LARP1: variants seen among roughly 807,000 people sequenced by gnomAD.
LARP1 encodes la-related protein 1.
In LARP1, 36 loss-of-function variants were observed where a neutral mutation model predicts 122.7. That is an observed-to-expected ratio of 0.29 (90% CI 0.22 to 0.39). LARP1 has a LOEUF of 0.39. LARP1 is among the 10% of genes least tolerant of loss of function. LARP1 has a pLI of 1.00. For missense variants in LARP1, 1,040 were observed against 1,403.6 expected (o/e 0.74, Z 4.14); for synonymous variants, 539 against 528.7 (o/e 1.02, Z -0.27).
chr5:154,757,442 A>G (rs553837556), intron 1 of LARP1, among the ~76,000 whole-genome samples: 33 of 151,702 alleles, frequency 2.2e-4, no homozygotes, highest in African/African-American at 7.7e-4. Context: ...CGGCCGGCGT[A>G]TAGGGCGGGT....
At chr5:154,749,945 T>G (rs1753398490) in intron 1 of LARP1, among the ~76,000 whole-genome samples, 1 of 152,212 alleles carries the variant, frequency 6.6e-6, no homozygotes, top group Non-Finnish European at 1.5e-5. Flanking sequence ...AGAATAAAAT[T>G]TCATGTAAAC....
intron 1 of LARP1, among the ~76,000 whole-genome samples, chr5:154,715,566 G>A (rs1390293414): frequency 6.6e-6 from 1 of 152,126 alleles, no homozygotes; most frequent in African/African-American, 2.4e-5. Flanking sequence ...AACCAACACT[G>A]AAACGTTGCT....
chr5:154,793,974 G>A lies in LARP1; in HGVS notation c.1043G>A (p.Arg348Gln), dbSNP rs1337728379. The change falls in exon 6 of 19, where the codon CGG becomes CAG. Residue 348 changes from arginine (R) to glutamine (Q), a missense_variant. Physicochemically the swap from Arg to Gln is conservative, Grantham distance 43. Transcript: ENST00000518297. ...CGTGGACGGGGGCGTGGTCGCGGCCGGGGACGCGGCCGGGGTGGCACTCGA... is the reference window on the plus strand; with the variant it reads ...CGTGGACGGGGGCGTGGTCGCGGCCAGGGACGCGGCCGGGGTGGCACTCGA... ...RGRGRGRGRGRGRGRGGTRTH... is the reference protein window; with the variant it reads ...RGRGRGRGRGQGRGRGGTRTH... The A allele has an allele frequency of 6.8e-6, 11 of 1,610,928 alleles. No individual in the cohort carries two copies. Among genetic ancestry groups the A allele is most frequent in the African/African-American group, 1.3e-5 (1 of 74,810 alleles).
chr5:154,785,778 G>A (rs1425063668), intron 1 of LARP1, among the ~76,000 whole-genome samples: 1 of 152,094 alleles, frequency 6.6e-6, no homozygotes, highest in African/African-American at 2.4e-5. Context: ...CTTTACAGAG[G>A]AGCCGCCATC....
chr5:154,684,648 C>T (rs1373258829), intron 1 of LARP1, among the ~76,000 whole-genome samples: 2 of 152,138 alleles, frequency 1.3e-5, no homozygotes, highest in African/African-American at 4.8e-5. Flanking sequence ...GGTTTGAAGT[C>T]CCACAGTGGA....
At position 154,794,179 on chromosome 5, in the gene LARP1, C is replaced by T. The variant is rs1267538757; in HGVS notation, c.1149C>T (p.Ile383=). 6.2e-7 allele frequency: 1 copy of T among 1,614,180 alleles called. No homozygotes were observed. The highest frequency in any genetic ancestry group is 1.1e-5 in the South Asian group (1 of 91,086). ...GPRTPKYMNN[I]TYYFDNVSST... ...GTACGCCCAAGTACATGAACAACATCACCTACTACTTTGACAATGTCAGCA... is the reference window on the plus strand; with the variant it reads ...GTACGCCCAAGTACATGAACAACATTACCTACTACTTTGACAATGTCAGCA... The change falls in exon 7 of 19, where the codon ATC becomes ATT. Residue 383 remains isoleucine (I), a synonymous_variant. Transcript: ENST00000518297.
At chr5:154,786,346 G>A (rs1370000231) in intron 1 of LARP1, 7 of 400,036 alleles carry the variant, frequency 1.7e-5, no homozygotes, top group African/African-American at 1.0e-4. Context: ...CGGCTGGTAT[G>A]CTTCATTTTT....
In LARP1 at chr5:154,817,307, C is replaced by G. The variant is rs1759741005; in HGVS notation, c.*3211C>G. 6.6e-6 allele frequency: 1 copy of G among 152,552 alleles called. No individual in the cohort carries two copies. The highest frequency in any genetic ancestry group is 1.9e-4 in the East Asian group (1 of 5,190). 9.4% of individuals were successfully genotyped at this position (152,552 alleles called of 1,614,324 possible). On this transcript the variant is annotated 3_prime_UTR_variant, in exon 19 of 19. Transcript: ENST00000518297. ...GGCAGAGAAGATAAGAACTTGGAGC[C>G]CATTTCTCACTGGAGAGGAAAACTT...
upstream of LARP1, among the ~76,000 whole-genome samples, chr5:154,708,999 G>C (rs145047518): frequency 3.3e-5 from 5 of 152,300 alleles, no homozygotes; most frequent in African/African-American, 9.6e-5. Context: ...TGGTAGACTC[G>C]TCAACCTGGA....
At chr5:154,729,698 G>A (rs1045477396) in intron 1 of LARP1, 4 of 317,054 alleles carry the variant, frequency 1.3e-5, no homozygotes, top group African/African-American at 6.7e-5. Context: ...GGCATAATAG[G>A]TATTTAAAAA....
chr5:154,756,216 C>CT (rs1183884343), intron 1 of LARP1, 23 bp downstream of exon 1: 5 of 1,237,478 alleles, frequency 4.0e-6, no homozygotes, highest in Non-Finnish European at 5.2e-6. Flanking sequence ...CCTTGCCCTC[C>CT]TGGGTCCGGG....
At chr5:154,770,410 G>T (rs940427041) in intron 1 of LARP1, among the ~76,000 whole-genome samples, 4 of 152,048 alleles carry the variant, frequency 2.6e-5, no homozygotes, top group African/African-American at 9.7e-5. Flanking sequence ...CCTGGTTTTG[G>T]ATCTCTTGGC....
At chr5:154,773,250 A>G (rs1468089124) in intron 1 of LARP1, among the ~76,000 whole-genome samples, 1 of 152,086 alleles carries the variant, frequency 6.6e-6, no homozygotes, top group Non-Finnish European at 1.5e-5. Flanking sequence ...AACTATGGCT[A>G]GGGGGGCAGG....
chr5:154,790,818 C>A, intron 3 of LARP1, 108 bp downstream of exon 3: 1 of 1,043,806 alleles, frequency 9.6e-7, no homozygotes, highest in Non-Finnish European at 1.4e-6. Flanking sequence ...AGTTTTCATT[C>A]TTTCTTTTTT....
At chr5:154,712,353 G>T (rs1465756433), upstream of LARP1, among the ~76,000 whole-genome samples, 1 of 152,202 alleles carries the variant, frequency 6.6e-6, no homozygotes, top group Non-Finnish European at 1.5e-5. Flanking sequence ...TGGTCCAACA[G>T]AACCGTATGG....
chr5:154,688,193 G>A (rs1218288025), intron 1 of LARP1, among the ~76,000 whole-genome samples: 1 of 152,174 alleles, frequency 6.6e-6, no homozygotes, highest in Non-Finnish European at 1.5e-5. Flanking sequence ...CTGATGTTGG[G>A]TGTCCTGGGG....
intron 1 of LARP1, among the ~76,000 whole-genome samples, chr5:154,743,895 C>T (rs1360694603): frequency 6.6e-6 from 1 of 152,226 alleles, no homozygotes; most frequent in Non-Finnish European, 1.5e-5. Context: ...GCTGGGATTA[C>T]AAGCGTGGGC....
intron 1 of LARP1, among the ~76,000 whole-genome samples, chr5:154,740,941 CTTCCAGATTGAAAATGTT>C (rs1752845887): frequency 1.3e-5 from 2 of 152,336 alleles, no homozygotes; most frequent in African/African-American, 4.8e-5. Context: ...TGCCCCTGGG[CTTCCAGATTGAAAATGTT>C]TTCCCAGCCT....
At chr5:154,792,143 C>A in intron 3 of LARP1, 1 of 344,562 alleles carries the variant, frequency 2.9e-6, no homozygotes, top group South Asian at 2.2e-5. Flanking sequence ...TTATAAAATT[C>A]TCTTGGGGCC....
Sources: allele counts gnomAD v4.1 joint callset (sites outside exome capture counted in the v4.1 genomes callset), GRCh38; gene constraint gnomAD v4.1.1; transcripts MANE v1.5; gene names NCBI Gene and HGNC (gene_info 2026-07-23, HGNC 2026-07-21).